The following MICAL2 variants were observed in gnomAD, a reference collection of about 807,000 sequenced individuals.
The protein encoded by MICAL2 is microtubule associated monooxygenase, calponin and LIM domain containing 2.
In MICAL2, 77 loss-of-function variants were observed where a neutral mutation model predicts 127.3. The observed-to-expected ratio is 0.60, with a 90% CI of 0.50 to 0.73. The LOEUF is 0.73. MICAL2 is among the 30% of genes least tolerant of loss of function. MICAL2 has a pLI of 0.00. For synonymous variants in MICAL2, 570 were observed against 551.1 expected (o/e 1.03, Z -0.48); for missense variants, 1,351 against 1,434.4 (o/e 0.94, Z 0.94).
At chr11:12,311,769 T>A (rs754155687) in intron 29 of MICAL2, among the ~76,000 whole-genome samples, 6 of 152,224 alleles carry the variant, frequency 3.9e-5, no homozygotes, top group Admixed American at 1.3e-4. Context: ...ATAACACAAC[T>A]TGAGAGTGTC....
chr11:12,183,482 G>T (rs956437642), intron 3 of MICAL2, among the ~76,000 whole-genome samples: 1 of 152,202 alleles, frequency 6.6e-6, no homozygotes, highest in African/African-American at 2.4e-5. Context: ...CTAACCGCCT[G>T]TGCCCTTCTC....
chr11:12,157,696 A>AT (rs556387796), intron 2 of MICAL2, among the ~76,000 whole-genome samples: 1,490 of 105,720 alleles, frequency 0.014, 19 homozygotes, highest in African/African-American at 0.042. Context: ...GGATCCTCTG[A>AT]TAAAAAAAAA....
At position 12,204,389 on chromosome 11, in the gene MICAL2, A is replaced by C; in HGVS notation, c.404A>C (p.His135Pro). 1 of 1,612,598 alleles carries C rather than the reference A, an allele frequency of 6.2e-7. No homozygotes were observed. ...NVLHLWPFTIHDLRGLGAKKF... is the reference protein window; with the variant it reads ...NVLHLWPFTIPDLRGLGAKKF... ...CTACACCTCTGGCCTTTCACCATCCATGACCTTCGTGGCCTGGGAGCCAAG... is the reference window on the plus strand; with the variant it reads ...CTACACCTCTGGCCTTTCACCATCCCTGACCTTCGTGGCCTGGGAGCCAAG... The change falls in exon 4 of 28, where the codon CAT becomes CCT. Residue 135 changes from histidine to proline, a missense_variant. Around this residue, in one of 2 missense-constraint regions of MICAL2, gnomAD observed 599 missense variants for 714.9 expected, o/e 0.84. Coordinates refer to ENST00000683283, the MANE Select transcript of MICAL2 (RefSeq NM_001282663.2).
At chr11:12,361,321 T>A (rs1027749688), downstream of MICAL2, among the ~76,000 whole-genome samples, 1 of 152,340 alleles carries the variant, frequency 6.6e-6, no homozygotes, top group African/African-American at 2.4e-5. Flanking sequence ...CCCATGGGGT[T>A]CTGCAGCCCT....
chr11:12,178,630 C>T (rs1476176547), intron 3 of MICAL2, among the ~76,000 whole-genome samples: 1 of 151,990 alleles, frequency 6.6e-6, no homozygotes, highest in South Asian at 2.1e-4. Flanking sequence ...TTCGTGTTAC[C>T]TAAATGAAGC....
intron 3 of MICAL2, among the ~76,000 whole-genome samples, chr11:12,194,075 A>G (rs1320791884): frequency 6.6e-6 from 1 of 152,256 alleles, no homozygotes; most frequent in Admixed American, 6.5e-5. Flanking sequence ...ACTGACCTCA[A>G]GTGGCCCCCG....
At chr11:12,323,685 T>G (rs900534395) in intron 30 of MICAL2, among the ~76,000 whole-genome samples, 1 of 152,222 alleles carries the variant, frequency 6.6e-6, no homozygotes, top group Non-Finnish European at 1.5e-5. Flanking sequence ...TGTGGCTACT[T>G]AAGTTTACAT....
At chr11:12,212,312 C>CT (rs1855575148) in intron 6 of MICAL2, among the ~76,000 whole-genome samples, 1 of 151,924 alleles carries the variant, frequency 6.6e-6, no homozygotes, top group Non-Finnish European at 1.5e-5. Context: ...TCCACAAACA[C>CT]TTAAAAAAAA....
downstream of MICAL2, chr11:12,294,114 GC>G (rs1863941719): frequency 6.2e-7 from 1 of 1,613,980 alleles, no homozygotes; most frequent in Non-Finnish European, 8.5e-7. Context: ...AAACCAGTCC[GC>G]CCCCTGCTGC....
chr11:12,326,837 C>A (rs566165070), intron 31 of MICAL2, among the ~76,000 whole-genome samples: 1 of 152,320 alleles, frequency 6.6e-6, no homozygotes, highest in Non-Finnish European at 1.5e-5. Context: ...CATTATGCCA[C>A]GGCCATAGTT....
chr11:12,280,235 G>C (rs559884728), intron 1 of MICAL2, among the ~76,000 whole-genome samples: 1 of 151,818 alleles, frequency 6.6e-6, no homozygotes, highest in East Asian at 1.9e-4. Flanking sequence ...CTGAAGTTTC[G>C]GGACCAAGTC....
At chr11:12,209,648 G>C (rs758887757) in intron 6 of MICAL2, 50 bp downstream of exon 6, 1 of 1,486,052 alleles carries the variant, frequency 6.7e-7, no homozygotes, top group South Asian at 1.1e-5. Context: ...GAATGGGAGA[G>C]GGTACATTGG....
intron 2 of MICAL2, among the ~76,000 whole-genome samples, chr11:12,146,654 C>T (rs189918594): frequency 0.013 from 2,005 of 152,226 alleles, 42 homozygotes; most frequent in African/African-American, 0.045. Flanking sequence ...GACAGTGTGG[C>T]GAGTCCTCAA....
intron 32 of MICAL2, among the ~76,000 whole-genome samples, chr11:12,330,807 GAGAGAGAGAGAGAGGGAGAGACAGAC>G (rs1429135216): frequency 6.7e-6 from 1 of 149,204 alleles, no homozygotes; most frequent in Non-Finnish European, 1.5e-5. Context: ...GAGAGAGACA[GAGAGAGAGAGAGAGGGAGAGACAGAC>G]AGAGAGAGAG....
At chr11:12,256,701 T>C in intron 23 of MICAL2, 84 bp from the exon 24 acceptor site, 1 of 1,292,548 alleles carries the variant, frequency 7.7e-7, no homozygotes, top group Admixed American at 2.4e-5. Flanking sequence ...CAGCATTCAG[T>C]GTGGAATTTC....
intron 2 of MICAL2, among the ~76,000 whole-genome samples, chr11:12,158,901 T>A (rs1482861956): frequency 1.3e-5 from 2 of 152,234 alleles, no homozygotes; most frequent in Admixed American, 6.5e-5. Flanking sequence ...AATATTCTGA[T>A]GTTAATCCCA....
intron 3 of MICAL2, among the ~76,000 whole-genome samples, chr11:12,178,241 C>G (rs1335925408): frequency 6.6e-6 from 1 of 152,146 alleles, no homozygotes; most frequent in East Asian, 1.9e-4. Flanking sequence ...TCAGAGAAGA[C>G]ATGGAAGCTG....
chr11:12,125,739 G>A (rs190490156), intron 1 of MICAL2, among the ~76,000 whole-genome samples: 4 of 152,342 alleles, frequency 2.6e-5, no homozygotes, highest in African/African-American at 9.6e-5. Flanking sequence ...ACAAGCAACT[G>A]ATAATAGTGG....
At chr11:12,147,086 GC>G (rs1394556697) in intron 2 of MICAL2, among the ~76,000 whole-genome samples, 2 of 152,050 alleles carry the variant, frequency 1.3e-5, no homozygotes, top group African/African-American at 4.8e-5. Context: ...GGGAAGGATA[GC>G]ATTAGGAGAT....
Sources: gnomAD v4.1 joint callset for allele counts (sites outside exome capture counted in the v4.1 genomes callset) on GRCh38, gnomAD v4.1.1 for gene constraint, gnomAD v4.1.1 regional missense constraint, MANE v1.5 for transcripts, NCBI Gene and HGNC (gene_info 2026-07-23, HGNC 2026-07-21) for gene names.